Variants in LTV1 observed in about 807,000 individuals in gnomAD.
LTV1 encodes LTV1 ribosome biogenesis factor.
Under a neutral mutation model 59.9 loss-of-function variants are expected in LTV1, and 39 were observed. The observed-to-expected ratio is 0.65, with a 90% CI of 0.50 to 0.85. The LOEUF is 0.85. Among genes scored for constraint, LTV1 ranks in the 40% least tolerant of loss-of-function variants. The pLI is 0.00. For missense variants in LTV1, 493 were observed against 549.1 expected (o/e 0.90, Z 1.02); for synonymous variants, 171 against 189.5 (o/e 0.90, Z 0.80).
rs1374748116 is a variant in LTV1 at position 143,862,577 on chromosome 6, ACT to A, written c.1064-264_1064-263del. On this transcript the variant is annotated intron_variant, in intron 8 of 10. Transcript: ENST00000367576. The surrounding 1 kb of genome is among the most constrained non-coding windows in gnomAD (Gnocchi z 4.2). ...CTCCAACCTGGGCAACAAGAGCAAAACTCTGTCTAAAAAAAAACATATATCAA... is the reference window on the plus strand; with the variant it reads ...CTCCAACCTGGGCAACAAGAGCAAAACTGTCTAAAAAAAAACATATATCAA... Among the ~76,000 whole-genome samples, 1 of 151,958 alleles carries A rather than the reference ACT, an allele frequency of 6.6e-6. No individual in the cohort carries two copies. Among genetic ancestry groups the A allele is most frequent in the Non-Finnish European group, 1.5e-5 (1 of 67,996 alleles).
chr6:143,850,782 AT>A (rs1208095802), intron 4 of LTV1, among the ~76,000 whole-genome samples: 10 of 152,334 alleles, frequency 6.6e-5, no homozygotes, highest in Admixed American at 5.9e-4. Flanking sequence ...TATTGTACAG[AT>A]TTTTGAGTTG....
Position 143,850,210 on chromosome 6 carries a change from C to T in LTV1, c.389C>T (p.Pro130Leu), listed in dbSNP as rs764872999. The change falls in exon 4 of 11, where the codon CCA (proline) becomes CTA (leucine). Residue 130 changes from proline to leucine, a missense_variant. By Grantham distance (98) the Pro-to-Leu change is moderately conservative. Transcript: ENST00000367576. ...EDVGLLNKAA[P>L]VSGPRLDFDP... ...GTTGGATTGTTAAATAAAGCAGCTC[C>T]AGTTTCAGGTATTTTTAATTGCTTT... The T allele has an allele frequency of 6.2e-7, 1 of 1,612,204 alleles. No homozygotes were observed. Among genetic ancestry groups the T allele is most frequent in the Non-Finnish European group, 8.5e-7 (1 of 1,178,776 alleles).
chr6:143,860,675 A>G, intron 7 of LTV1, 122 bp downstream of exon 7: 1 of 797,430 alleles, frequency 1.3e-6, no homozygotes, highest in Non-Finnish European at 1.8e-6. Context: ...ATACATATTG[A>G]GAAAATGAAA....
At chr6:143,859,197 C>T (rs1002638346) in intron 6 of LTV1, among the ~76,000 whole-genome samples, 1 of 152,170 alleles carries the variant, frequency 6.6e-6, no homozygotes, top group Non-Finnish European at 1.5e-5. Flanking sequence ...GTATAAGACA[C>T]TTTTGAAAGC....
At chr6:143,858,151 C>G (rs576409574) in intron 6 of LTV1, 144 bp downstream of exon 6, 2 of 745,470 alleles carry the variant, frequency 2.7e-6, no homozygotes, top group Non-Finnish European at 4.5e-6. Flanking sequence ...GCTATAGGTT[C>G]GTGTAGCCAG....
rs780770471 is a variant in LTV1 at position 143,862,106 on chromosome 6, G to T, written c.926G>T (p.Cys309Phe). 4 of 1,610,538 alleles carry T rather than the reference G, an allele frequency of 2.5e-6. No individual in the cohort carries two copies. Among genetic ancestry groups the T allele is most frequent in the Non-Finnish European group, 3.4e-6 (4 of 1,178,716 alleles). ...NDYYKEKAEN[C>F]VKLNTLEPLE... The stretch of plus-strand genomic sequence containing the variant: ...ACTTTTAAAAACTCGTCTAAAAGTT[G>T]TGTAAAATTGAATACCCTTGAACCC... The change falls in exon 8 of 11, where the codon TGT becomes TTT. Residue 309 changes from cysteine (C) to phenylalanine (F), a missense_variant and splice_region_variant. By Grantham distance (205) the Cys-to-Phe change is radical. Transcript: ENST00000367576. The surrounding 1 kb of genome is among the most constrained non-coding windows in gnomAD (Gnocchi z 4.2).
At chr6:143,848,076 C>T (rs1305179717) in intron 3 of LTV1, among the ~76,000 whole-genome samples, 1 of 152,146 alleles carries the variant, frequency 6.6e-6, no homozygotes, top group Non-Finnish European at 1.5e-5. Context: ...ACACAGCACT[C>T]CTCTAAAAAC....
chr6:143,847,945 GTA>G (rs1441087740), intron 3 of LTV1, among the ~76,000 whole-genome samples: 3 of 152,194 alleles, frequency 2.0e-5, no homozygotes, highest in Non-Finnish European at 4.4e-5. Context: ...TAAAAAGGCA[GTA>G]TAGAAATGAT....
At chr6:143,851,467 C>T (rs1028412825) in intron 4 of LTV1, among the ~76,000 whole-genome samples, 1 of 152,116 alleles carries the variant, frequency 6.6e-6, no homozygotes, top group East Asian at 1.9e-4. Flanking sequence ...TTTCTTCTTG[C>T]AGACAAAAGC....
chr6:143,860,655 C>A, intron 7 of LTV1, 102 bp downstream of exon 7: 5 of 981,920 alleles, frequency 5.1e-6, no homozygotes, highest in South Asian at 2.9e-5. Context: ...AAAAAATTAA[C>A]CTAGTCAAAA....
chr6:143,843,360 G>GGGCT lies in LTV1; in HGVS notation c.-116_-113dup. The GGGCT allele has an allele frequency of 7.9e-7, 1 of 1,262,374 alleles. No individual in the cohort carries two copies. The highest frequency in any genetic ancestry group is 1.1e-6 in the Non-Finnish European group (1 of 869,900). 78.2% of individuals were successfully genotyped at this position (1,262,374 alleles called of 1,614,324 possible). ...TGGGTGACGTTATCGCCGGGTCCTG[G>GGGCT]GGCTGCACGTGTGGTGAGGCCTACA... On this transcript the variant is annotated 5_prime_UTR_variant, in exon 1 of 11. Coordinates refer to ENST00000367576, the MANE Select transcript of LTV1 (RefSeq NM_032860.5).
rs530276787 is a variant in LTV1 at position 143,849,627 on chromosome 6, CTGGAGCACAGG to C, written c.310-501_310-491del. ...TATACATGTTTAACATATATACAAC[CTGGAGCACAGG>C]TGAGAGAACACAGAATGTAGTTGTA... is the stretch of plus-strand genomic sequence containing the variant. On this transcript the variant is annotated intron_variant, in intron 3 of 10. Coordinates refer to ENST00000367576, the MANE Select transcript of LTV1 (RefSeq NM_032860.5). Among the ~76,000 whole-genome samples the C allele has an allele frequency of 5.3e-5, 8 of 152,240 alleles. No individual in the cohort carries two copies. In the South Asian group the frequency reaches 1.4e-3, roughly 28 times the overall value.
At position 143,848,218 on chromosome 6, in the gene LTV1, A is replaced by G. The variant is rs535417339; in HGVS notation, c.310-1913A>G. ...GTTTAACCCCAAACTTCTAAGGATA[A>G]ATATCACAAAGGTACCTTTTTAAAA... is the stretch of plus-strand genomic sequence containing the variant. On this transcript the variant is annotated intron_variant, in intron 3 of 10. Coordinates refer to ENST00000367576, the MANE Select transcript of LTV1 (RefSeq NM_032860.5). Among the ~76,000 whole-genome samples the G allele has an allele frequency of 1.6e-3, 245 of 152,326 alleles. 1 individual carries two copies. The highest frequency in any genetic ancestry group is 5.5e-3 in the African/African-American group (229 of 41,570).
Position 143,862,300 on chromosome 6 carries a change from G to A in LTV1, c.1063+57G>A. On this transcript the variant is annotated intron_variant, in intron 8 of 10. Transcript: ENST00000367576. The surrounding 1 kb of genome is among the most constrained non-coding windows in gnomAD (Gnocchi z 4.2). ...AAAGTATTAAAGTATATCAACTTTA[G>A]GCTGGGTGCGGTGCCTCACGCCTGT... The A allele has an allele frequency of 6.7e-7, 1 of 1,499,904 alleles. No homozygotes were observed. The highest frequency in any genetic ancestry group is 9.2e-7 in the Non-Finnish European group (1 of 1,091,338). 92.9% of individuals were successfully genotyped at this position (1,499,904 alleles called of 1,614,324 possible).
chr6:143,861,420 C>T lies in LTV1; in HGVS notation c.924-684C>T, dbSNP rs577290303. Among the ~76,000 whole-genome samples, 11 of 148,438 alleles carry T rather than the reference C, an allele frequency of 7.4e-5. No homozygotes were observed. The East Asian group carries it at 9.9e-4, about 13-fold the overall frequency. Reference sequence around the variant, plus strand: ...ACTGCTTCCAGCCTGGGTGACAGGGCGAGACTCTGTCTCAAAAAAAAAAAA... The same window carrying T: ...ACTGCTTCCAGCCTGGGTGACAGGGTGAGACTCTGTCTCAAAAAAAAAAAA... On this transcript the variant is annotated intron_variant, in intron 7 of 10. Transcript: ENST00000367576.
In LTV1 at chr6:143,862,353, G is replaced by A. The variant is rs1777179036; in HGVS notation, c.1063+110G>A. On this transcript the variant is annotated intron_variant, in intron 8 of 10. Coordinates refer to ENST00000367576, the MANE Select transcript of LTV1 (RefSeq NM_032860.5). The surrounding 1 kb of genome is among the most constrained non-coding windows in gnomAD (Gnocchi z 4.2). ...TAATCCCAGCACTTTGGGAGGCCGA[G>A]GCGGGTGGGTCACCTGATGTCAGGA... 1.1e-6 allele frequency: 1 copy of A among 903,492 alleles called. No homozygotes were observed. The highest frequency in any genetic ancestry group is 1.9e-5 in the South Asian group (1 of 53,808). 56.0% of individuals were successfully genotyped at this position (903,492 alleles called of 1,614,324 possible). A position where few individuals can be genotyped will look rare whatever the true frequency, so the allele number is the denominator to read the frequency against.
At chr6:143,858,196 C>A in intron 6 of LTV1, 189 bp downstream of exon 6, 1 of 621,142 alleles carries the variant, frequency 1.6e-6, no homozygotes, top group South Asian at 1.9e-5. Flanking sequence ...AGTACAGGAG[C>A]ACAAAGACTG....
rs1383439611 is a variant in LTV1 at position 143,853,619 on chromosome 6, T to G, written c.397+3401T>G. 2.6e-5 allele frequency among the ~76,000 whole-genome samples: 4 copies of G among 152,300 alleles called. No homozygotes were observed. The East Asian group carries it at 5.8e-4, about 22-fold the overall frequency. ...TGGCTGAGGGTTTGTCATAAATAGC[T>G]CTTATTATTTTGAGATATGTTCCAT... On this transcript the variant is annotated intron_variant, in intron 4 of 10. Transcript: ENST00000367576.
chr6:143,862,267 G>A lies in LTV1; in HGVS notation c.1063+24G>A, dbSNP rs749441857. ...TAGTAAGTATATTCACTTTATGATAGTAATTTTAAAGTATTAAAGTATATC... is the reference window on the plus strand; with the variant it reads ...TAGTAAGTATATTCACTTTATGATAATAATTTTAAAGTATTAAAGTATATC... On this transcript the variant is annotated intron_variant, in intron 8 of 10. Transcript: ENST00000367576. This position sits in a 1 kb window ranked among gnomAD's most constrained non-coding sequence, Gnocchi z 4.2. 20 of 1,600,204 alleles carry A rather than the reference G, an allele frequency of 1.2e-5. No homozygotes were observed. The Admixed American group carries it at 2.2e-4, about 17-fold the overall frequency.
Sources: gnomAD v4.1 joint callset for allele counts (sites outside exome capture counted in the v4.1 genomes callset) on GRCh38, gnomAD v4.1.1 for gene constraint, Gnocchi (gnomAD v3.1) non-coding constraint, MANE v1.5 for transcripts, NCBI Gene and HGNC (gene_info 2026-07-23, HGNC 2026-07-21) for gene names.